Variants in KLHL29 observed in about 807,000 individuals in gnomAD.
The protein encoded by KLHL29 is kelch-like protein 29.
Under a neutral mutation model 80.4 loss-of-function variants are expected in KLHL29, and 21 were observed. The ratio of observed to expected loss-of-function variants is 0.26; its 90% CI spans 0.19 to 0.38. The LOEUF (loss-of-function observed/expected upper bound fraction) is 0.38, where lower values mean the gene tolerates loss of function less well. Among genes scored for constraint, KLHL29 ranks in the 10% least tolerant of loss-of-function variants. The pLI, the probability that KLHL29 is intolerant of heterozygous loss-of-function variation, is 1.00. For missense variants in KLHL29, 867 were observed against 1,223.9 expected (o/e 0.71, Z 4.35); for synonymous variants, 511 against 526.8 (o/e 0.97, Z 0.41).
At chr2:23,530,034 A>G (rs1488380924) in intron 2 of KLHL29, among the ~76,000 whole-genome samples, 3 of 152,058 alleles carry the variant, frequency 2.0e-5, no homozygotes, top group Non-Finnish European at 4.4e-5. Context: ...GCTCTTCAAT[A>G]TGTGGCTTCA....
chr2:23,433,048 T>G (rs559059570), intron 1 of KLHL29, among the ~76,000 whole-genome samples: 1 of 152,164 alleles, frequency 6.6e-6, no homozygotes, highest in Admixed American at 6.5e-5. Flanking sequence ...ACATTCAGAG[T>G]GTGTGCCCTC....
Position 23,696,485 on chromosome 2 carries a change from G to A in KLHL29, c.2077G>A (p.Val693Met), listed in dbSNP as rs766588892. 75 of 1,541,086 alleles carry A rather than the reference G, an allele frequency of 4.9e-5. No homozygotes were observed. In the Middle Eastern group the frequency reaches 6.0e-4, roughly 12 times the overall value. Reference sequence around the variant, plus strand: ...GATTTACACCCTCGGGGGACTTGGCGTGGCAGGCAACGTGGACCACGTGGA... The same window carrying A: ...GATTTACACCCTCGGGGGACTTGGCATGGCAGGCAACGTGGACCACGTGGA... Reference protein sequence around the residue: ...GKIYTLGGLGVAGNVDHVERY... With the variant: ...GKIYTLGGLGMAGNVDHVERY... The change falls in exon 11 of 14, where the codon GTG (valine) becomes ATG (methionine). Residue 693 changes from valine to methionine, a missense_variant. By Grantham distance (21) the Val-to-Met change is conservative (BLOSUM62 1). Coordinates refer to ENST00000486442, the MANE Select transcript of KLHL29 (RefSeq NM_052920.2). The surrounding 1 kb of genome is among the most constrained non-coding windows in gnomAD (Gnocchi z 5.5).
chr2:23,502,529 C>T (rs1665482399), intron 2 of KLHL29, among the ~76,000 whole-genome samples: 1 of 152,234 alleles, frequency 6.6e-6, no homozygotes, highest in Admixed American at 6.5e-5. Flanking sequence ...TGGCAGAGGG[C>T]AGAGACGGCT....
At chr2:23,496,914 C>A (rs1229293948) in intron 2 of KLHL29, among the ~76,000 whole-genome samples, 1 of 152,186 alleles carries the variant, frequency 6.6e-6, no homozygotes, top group Non-Finnish European at 1.5e-5. Flanking sequence ...CCTCCAAACA[C>A]TGCAGCGTCA....
intron 2 of KLHL29, among the ~76,000 whole-genome samples, chr2:23,555,412 C>T (rs911898576): frequency 2.6e-5 from 4 of 152,202 alleles, no homozygotes; most frequent in Admixed American, 1.3e-4. Flanking sequence ...TTAAGACCCA[C>T]CTGCCTCCTG....
At chr2:23,538,162 G>A (rs919116139) in intron 2 of KLHL29, among the ~76,000 whole-genome samples, 1 of 152,292 alleles carries the variant, frequency 6.6e-6, no homozygotes, top group Non-Finnish European at 1.5e-5. Context: ...GATGGATCTC[G>A]GGTTTCTCTT....
intron 5 of KLHL29, among the ~76,000 whole-genome samples, chr2:23,658,766 G>C (rs1210087183): frequency 6.6e-6 from 1 of 152,236 alleles, no homozygotes; most frequent in Non-Finnish European, 1.5e-5. Context: ...GAGGAAAGGG[G>C]ACTTTGGCCT....
chr2:23,614,618 TCA>T (rs1219440657), intron 3 of KLHL29, among the ~76,000 whole-genome samples: 2 of 152,138 alleles, frequency 1.3e-5, no homozygotes, highest in East Asian at 1.9e-4. Flanking sequence ...TTCTTCAGAA[TCA>T]CACACATAAT....
At chr2:23,572,005 T>C (rs1220336252) in intron 3 of KLHL29, among the ~76,000 whole-genome samples, 1 of 152,204 alleles carries the variant, frequency 6.6e-6, no homozygotes, top group African/African-American at 2.4e-5. Context: ...TGTCCTATTA[T>C]TCATTCATCC....
chr2:23,556,485 A>T (rs528561804), intron 2 of KLHL29, among the ~76,000 whole-genome samples: 20 of 151,916 alleles, frequency 1.3e-4, no homozygotes, highest in Admixed American at 5.9e-4. Context: ...CCAAAAAAAA[A>T]ACAAAAAAAA....
intron 5 of KLHL29, among the ~76,000 whole-genome samples, chr2:23,656,474 G>C (rs1056898008): frequency 1.3e-5 from 2 of 152,258 alleles, no homozygotes; most frequent in African/African-American, 2.4e-5. Context: ...CGCAGAGTCA[G>C]ATATCATGTT....
chr2:23,584,645 G>A (rs904064151), intron 3 of KLHL29, among the ~76,000 whole-genome samples: 6 of 152,234 alleles, frequency 3.9e-5, no homozygotes, highest in Admixed American at 6.5e-5. Flanking sequence ...AGGCTGGGGC[G>A]GAGGGGGGCG....
At chr2:23,563,792 G>T (rs887161898) in intron 3 of KLHL29, among the ~76,000 whole-genome samples, 7 of 152,198 alleles carry the variant, frequency 4.6e-5, no homozygotes, top group African/African-American at 1.7e-4. Flanking sequence ...ACATCTTGCT[G>T]CAGTGCCTTA....
intron 3 of KLHL29, among the ~76,000 whole-genome samples, chr2:23,635,712 T>C (rs532410745): frequency 7.2e-5 from 11 of 152,328 alleles, no homozygotes; most frequent in Non-Finnish European, 1.3e-4. Flanking sequence ...GATGGGCAGA[T>C]AGGGCCACTC....
chr2:23,458,506 A>C (rs1265941904), intron 1 of KLHL29, among the ~76,000 whole-genome samples: 1 of 152,256 alleles, frequency 6.6e-6, no homozygotes. Flanking sequence ...GTAATCCTCT[A>C]TCTACATAGA....
intron 3 of KLHL29, among the ~76,000 whole-genome samples, chr2:23,599,071 A>C (rs1442044497): frequency 7.9e-5 from 12 of 152,222 alleles, no homozygotes; most frequent in Admixed American, 7.8e-4. Flanking sequence ...TTAAGCAGCT[A>C]CTTTGGAGCA....
chr2:23,679,367 C>T (rs1671012139), intron 5 of KLHL29, among the ~76,000 whole-genome samples: 1 of 152,222 alleles, frequency 6.6e-6, no homozygotes, highest in Non-Finnish European at 1.5e-5. Flanking sequence ...TCCACACAGT[C>T]TCTCATGCTC....
intron 1 of KLHL29, among the ~76,000 whole-genome samples, chr2:23,458,787 A>C (rs143121372): frequency 6.6e-6 from 1 of 152,314 alleles, no homozygotes; most frequent in East Asian, 1.9e-4. Flanking sequence ...CATAGCGGAG[A>C]GGAGAACGGG....
chr2:23,639,668 G>A (rs2339850), intron 4 of KLHL29, among the ~76,000 whole-genome samples: 14,426 of 120,708 alleles, frequency 0.12, 1,668 homozygotes, highest in East Asian at 0.57. Flanking sequence ...TTCTACCCTC[G>A]GGGACTGGGA....
Sources: allele counts gnomAD v4.1 joint callset (sites outside exome capture counted in the v4.1 genomes callset), GRCh38; gene constraint gnomAD v4.1.1; non-coding constraint Gnocchi (gnomAD v3.1); transcripts MANE v1.5; gene names NCBI Gene and HGNC (gene_info 2026-07-23, HGNC 2026-07-21).